ABCA5: variants seen among roughly 807,000 people sequenced by gnomAD.
ABCA5 encodes the protein ATP binding cassette subfamily A member 5.
ABCA5 carries 163 observed loss-of-function variants against 206.0 expected under a neutral mutation model. The ratio of observed to expected loss-of-function variants is 0.79; its 90% CI spans 0.70 to 0.90. The LOEUF (loss-of-function observed/expected upper bound fraction) is 0.90, where lower values mean the gene tolerates loss of function less well. ABCA5 is among the 40% of genes least tolerant of loss of function. The pLI, the probability that ABCA5 is intolerant of heterozygous loss-of-function variation, is 0.00. For synonymous variants in ABCA5, 609 were observed against 613.8 expected, an observed-to-expected ratio of 0.99 and a Z score of 0.11; for missense variants, 1,859 against 1,912.9, an observed-to-expected ratio of 0.97 and a Z score of 0.53.
intron 28 of ABCA5, among the ~76,000 whole-genome samples, chr17:69,259,309 C>T (rs2075119782): frequency 6.6e-6 from 1 of 151,954 alleles, no homozygotes; most frequent in African/African-American, 2.4e-5. Context: ...GTGCCCAAAT[C>T]CTAGCAATTT....
chr17:69,319,728 T>G (rs1276213123), intron 1 of ABCA5, among the ~76,000 whole-genome samples: 1 of 152,256 alleles, frequency 6.6e-6, no homozygotes, highest in Non-Finnish European at 1.5e-5. Context: ...TTTTTCTTCC[T>G]TGGAGTATGT....
chr17:69,275,004 C>T lies in ABCA5; in HGVS notation c.2595-876G>A, dbSNP rs143662007. On this transcript the variant is annotated intron_variant, in intron 19 of 38. Transcript: ENST00000392676. The stretch of plus-strand genomic sequence containing the variant: ...GACGACTGGCATGTGCCACTGTACC[C>T]GGCTAATTTTTGTATTTTTAGTAGA... 2.0e-5 allele frequency among the ~76,000 whole-genome samples: 3 copies of T among 151,992 alleles called. No individual in the cohort carries two copies. In the East Asian group the frequency reaches 5.8e-4, roughly 29 times the overall value.
intron 3 of ABCA5, among the ~76,000 whole-genome samples, 158 bp downstream of exon 3, chr17:69,312,934 G>T (rs543917243): frequency 5.4e-4 from 81 of 151,368 alleles, no homozygotes; most frequent in Non-Finnish European, 9.7e-4. Context: ...GAAAAATAAG[G>T]CAACAGAATT....
intron 12 of ABCA5, 81 bp from the exon 13 acceptor site, chr17:69,290,118 T>C: frequency 4.8e-6 from 5 of 1,036,158 alleles, no homozygotes; most frequent in Non-Finnish European, 6.7e-6. Context: ...AACTTAGTTA[T>C]TTGGTTATAA....
intron 28 of ABCA5, 38 bp downstream of exon 28, chr17:69,259,668 T>C (rs201993201): frequency 6.6e-6 from 9 of 1,361,400 alleles, no homozygotes; most frequent in Admixed American, 1.8e-5. Flanking sequence ...TCTGTAAATA[T>C]ACTAAAAACA....
intron 10 of ABCA5, among the ~76,000 whole-genome samples, chr17:69,296,180 T>A (rs1309625436): frequency 6.6e-6 from 1 of 152,204 alleles, no homozygotes; most frequent in Non-Finnish European, 1.5e-5. Context: ...GAAGTGATTT[T>A]CTTATTCTAC....
At chr17:69,281,949 C>T (rs76977599) in intron 18 of ABCA5, among the ~76,000 whole-genome samples, 1,740 of 152,250 alleles carry the variant, frequency 0.011, 14 homozygotes, top group Middle Eastern at 0.027. Flanking sequence ...GAACTAACAT[C>T]CTGGTTTCCT....
chr17:69,276,710 T>C (rs764744524), intron 19 of ABCA5, among the ~76,000 whole-genome samples: 76 of 152,176 alleles, frequency 5.0e-4, no homozygotes, highest in Non-Finnish European at 9.9e-4. Context: ...TAGTGATAGG[T>C]TGATGAGTGT....
intron 8 of ABCA5, among the ~76,000 whole-genome samples, chr17:69,301,768 A>G (rs1193925902): frequency 6.6e-6 from 1 of 152,196 alleles, no homozygotes; most frequent in Non-Finnish European, 1.5e-5. Flanking sequence ...TTGTGATAGC[A>G]TGGAAAGAGA....
Position 69,281,095 on chromosome 17 carries a change from T to C in ABCA5, c.2392+2858A>G, listed in dbSNP as rs532081596. Among the ~76,000 whole-genome samples, 196 of 151,628 alleles carry C rather than the reference T, an allele frequency of 1.3e-3. 1 individual carries two copies. Among genetic ancestry groups the C allele is most frequent in the Admixed American group, 2.3e-3 (35 of 15,240 alleles). On this transcript the variant is annotated intron_variant, in intron 18 of 38. Coordinates refer to ENST00000392676, the MANE Select transcript of ABCA5 (RefSeq NM_172232.4). The stretch of plus-strand genomic sequence containing the variant: ...AATTCTACCAATTAAACCATAAACA[T>C]ATATTTATTTAATGGCAAGAATAAA...
intron 28 of ABCA5, 53 bp downstream of exon 28, chr17:69,259,653 A>G (rs1180959919): frequency 3.3e-6 from 4 of 1,225,686 alleles, no homozygotes; most frequent in South Asian, 2.7e-5. Flanking sequence ...TAATGGTTAC[A>G]CAGTTCTGTA....
chr17:69,266,861 T>TTTTA lies in ABCA5; in HGVS notation c.3144+1078_3144+1081dup, dbSNP rs576917268. Among the ~76,000 whole-genome samples, 177 of 150,364 alleles carry TTTTA rather than the reference T, an allele frequency of 1.2e-3. 5 individuals carry two copies. The highest frequency in any genetic ancestry group is 2.7e-3 in the African/African-American group (113 of 41,238). ...ATTTTTATTAGAATGTATTTATTTA[T>TTTTA]TTTATTTATTTATTTATTTATTTAT... is the stretch of plus-strand genomic sequence containing the variant. On this transcript the variant is annotated intron_variant, in intron 23 of 38. Transcript: ENST00000392676.
intron 35 of ABCA5, chr17:69,251,228 A>G (rs1424517443): frequency 6.5e-6 from 1 of 153,448 alleles, no homozygotes; most frequent in African/African-American, 2.4e-5. Flanking sequence ...AGCTTTCTCA[A>G]CTGTAAAGTT....
chr17:69,261,224 A>T lies in ABCA5; in HGVS notation c.3465T>A (p.Thr1155=). Residue 1155 remains threonine, a synonymous_variant, in exon 26 of 39, where the codon ACT becomes ACA. Coordinates refer to ENST00000392676, the MANE Select transcript of ABCA5 (RefSeq NM_172232.4). ...ALACIAITEI[T]FFMGYTIATI... ...TTGCAATTGTGTATCCCATAAAGAA[A>T]GTTATTTCAGTGATTGCAATACAAG... The T allele has an allele frequency of 6.2e-7, 1 of 1,608,614 alleles. No individual in the cohort carries two copies. The highest frequency in any genetic ancestry group is 1.7e-5 in the Admixed American group (1 of 59,708).
chr17:69,277,532 A>G, intron 19 of ABCA5, 109 bp downstream of exon 19: 1 of 862,274 alleles, frequency 1.2e-6, no homozygotes, highest in South Asian at 2.1e-5. Context: ...ATCTTTCGAA[A>G]CTATATAAAT....
chr17:69,276,287 C>T (rs2075331411), intron 19 of ABCA5, among the ~76,000 whole-genome samples: 1 of 152,056 alleles, frequency 6.6e-6, no homozygotes, highest in Admixed American at 6.6e-5. Context: ...CGGAGTTTCA[C>T]CATGTTGGCC....
chr17:69,259,872 G>T (rs1235926130), intron 27 of ABCA5, 75 bp from the exon 28 acceptor site: 3 of 830,232 alleles, frequency 3.6e-6, no homozygotes, highest in Non-Finnish European at 5.6e-6. Context: ...TTTGCCAACA[G>T]AACTAAGACT....
chr17:69,277,761 A>ATT lies in ABCA5; in HGVS notation c.2473_2474insAA (p.Ile825LysfsTer10). The ATT allele has an allele frequency of 6.2e-7, 1 of 1,608,014 alleles. No homozygotes were observed. The highest frequency in any genetic ancestry group is 1.1e-5 in the South Asian group (1 of 89,434). Reference sequence around the variant, plus strand: ...TAGAGCAGCCTTGGTTTCAGAAAGAATAAGTAAGCTCTGTTCCATTTCATC... The same window carrying ATT: ...TAGAGCAGCCTTGGTTTCAGAAAGAATTTAAGTAAGCTCTGTTCCATTTCATC... On this transcript the variant is annotated frameshift_variant, in exon 19 of 39. Transcript: ENST00000392676. LOFTEE classifies it high-confidence loss of function.
intron 11 of ABCA5, among the ~76,000 whole-genome samples, chr17:69,293,871 TGCG>T (rs2075556228): frequency 1.7e-5 from 2 of 115,298 alleles, no homozygotes; most frequent in Non-Finnish European, 3.9e-5. Flanking sequence ...TGTGTGTGTG[TGCG>T]TGTGTGTGTG....
Sources: gnomAD v4.1 joint callset for allele counts (sites outside exome capture counted in the v4.1 genomes callset) on GRCh38, gnomAD v4.1.1 for gene constraint, MANE v1.5 for transcripts, NCBI Gene and HGNC (gene_info 2026-07-23, HGNC 2026-07-21) for gene names.